Variants in PANK3 observed in about 807,000 individuals in gnomAD.
PANK3 encodes the protein pantothenate kinase 3, also known as hPanK3.
Under a neutral mutation model 39.4 loss-of-function variants are expected in PANK3, and 20 were observed. That is an observed-to-expected ratio of 0.51 (90% CI 0.36 to 0.74). The LOEUF (loss-of-function observed/expected upper bound fraction) is 0.74, where lower values mean the gene tolerates loss of function less well. Ranked by LOEUF, PANK3 falls within the 30% of genes least tolerant of loss-of-function variation. PANK3 has a pLI of 0.00. For synonymous variants in PANK3, 140 were observed against 157.3 expected (o/e 0.89, Z 0.82); for missense variants, 265 against 437.0 (o/e 0.61, Z 3.51).
chr5:168,575,885 C>T lies in PANK3; in HGVS notation c.28+3371G>A, dbSNP rs542385939. On this transcript the variant is annotated intron_variant, in intron 1 of 6. Coordinates refer to ENST00000239231, the MANE Select transcript of PANK3 (RefSeq NM_024594.4). ...CATAAAGGGAAACCAACATGAAAAA[C>T]GCTCGAAACATAGGGTATTTTAAAA... 1.3e-4 allele frequency among the ~76,000 whole-genome samples: 20 copies of T among 152,186 alleles called. 2 individuals are homozygous for T. The South Asian group carries it at 3.9e-3, about 30-fold the overall frequency.
At chr5:168,570,622 C>T (rs374451301) in intron 1 of PANK3, among the ~76,000 whole-genome samples, 4 of 152,060 alleles carry the variant, frequency 2.6e-5, no homozygotes, top group Admixed American at 6.5e-5. Context: ...AATACTAAAA[C>T]AACAAAAAAC....
At chr5:168,558,153 C>CT (rs767440372) in intron 6 of PANK3, among the ~76,000 whole-genome samples, 1,176 of 115,216 alleles carry the variant, frequency 0.01, 19 homozygotes, top group African/African-American at 0.025. Context: ...GACATGGAAG[C>CT]TTTTTTTTTT....
chr5:168,568,535 A>G, intron 2 of PANK3, 111 bp downstream of exon 2: 1 of 822,122 alleles, frequency 1.2e-6, no homozygotes, highest in Middle Eastern at 2.5e-4. Context: ...AACCATGGAT[A>G]CATATTTCCC....
rs549602835 is a variant in PANK3, at chr5:168,554,949, A to G, written c.*2622T>C. The G allele has an allele frequency of 6.6e-6, 1 of 152,342 alleles. No homozygotes were observed. Among genetic ancestry groups the G allele is most frequent in the African/African-American group, 2.4e-5 (1 of 41,576 alleles). 9.4% of individuals were successfully genotyped at this position (152,342 alleles called of 1,614,324 possible). On this transcript the variant is annotated 3_prime_UTR_variant, in exon 7 of 7. Coordinates refer to ENST00000239231, the MANE Select transcript of PANK3 (RefSeq NM_024594.4). ...TATTTTATCCTTTCAAACTGAAATT[A>G]CCTGCTAGAGTGAGCAACCATCTCA...
chr5:168,563,063 A>G (rs1268765981), intron 4 of PANK3, among the ~76,000 whole-genome samples: 1 of 152,186 alleles, frequency 6.6e-6, no homozygotes, highest in Non-Finnish European at 1.5e-5. Context: ...TGTAACTCAC[A>G]AAATACCCTA....
rs1173634335 is a variant in PANK3, at chr5:168,568,648, T to C, written c.379A>G (p.Thr127Ala). 1 of 1,597,980 alleles carries C rather than the reference T, an allele frequency of 6.3e-7. No homozygotes were observed. Among genetic ancestry groups the C allele is most frequent in the African/African-American group, 1.3e-5 (1 of 74,178 alleles). Residue 127 changes from threonine to alanine, a missense_variant and splice_region_variant, in exon 2 of 7, where the codon ACA (threonine) becomes GCA (alanine). Transcript: ENST00000239231. ...GAYKFEKDFRTIGNLHLHKLD... is the reference protein window; with the variant it reads ...GAYKFEKDFRAIGNLHLHKLD... ...AGTTTTGAGTAAAAGATACCTACTGTGCGAAAATCTTTTTCAAACTTGTAA... is the reference window on the plus strand; with the variant it reads ...AGTTTTGAGTAAAAGATACCTACTGCGCGAAAATCTTTTTCAAACTTGTAA...
chr5:168,568,798 C>T lies in PANK3; in HGVS notation c.229G>A (p.Gly77Ser). The part of the protein sequence containing the change: ...HLELKDLTLF[G>S]RRGNLHFIRF... ...ATAAAGTGCAAGTTCCCTCTTCGGCCAAAAAGTGTTAAATCTTTCAGTTCA... is the reference window on the plus strand; with the variant it reads ...ATAAAGTGCAAGTTCCCTCTTCGGCTAAAAAGTGTTAAATCTTTCAGTTCA... Residue 77 changes from glycine to serine, a missense_variant, in exon 2 of 7, where the codon GGC becomes AGC. Around this residue, in one of 3 missense-constraint regions of PANK3, gnomAD observed 154 missense variants for 256.8 expected, o/e 0.60. Transcript: ENST00000239231. The T allele has an allele frequency of 1.2e-6, 2 of 1,613,868 alleles. No individual in the cohort carries two copies. Among genetic ancestry groups the T allele is most frequent in the Non-Finnish European group, 1.7e-6 (2 of 1,179,972 alleles).
At chr5:168,565,887 T>A (rs7720884) in intron 3 of PANK3, 126 bp downstream of exon 3, 16,657 of 142,612 alleles carry the variant, frequency 0.12, 2,217 homozygotes, top group East Asian at 0.46. Context: ...ATATATATAT[T>A]TTTTTTTTTT....
chr5:168,571,032 C>A (rs566378140), intron 1 of PANK3, among the ~76,000 whole-genome samples: 1 of 152,048 alleles, frequency 6.6e-6, no homozygotes, highest in Non-Finnish European at 1.5e-5. Context: ...GAGTGAGATA[C>A]GGGATGCTAT....
Position 168,555,796 on chromosome 5 carries a change from T to C in PANK3, c.*1775A>G, listed in dbSNP as rs1289078439. Reference sequence around the variant, plus strand: ...ACTGTCGTTGAAAACTTTCTTGAGATAGTTTATTTTATACAAACAAACTGT... The same window carrying C: ...ACTGTCGTTGAAAACTTTCTTGAGACAGTTTATTTTATACAAACAAACTGT... On this transcript the variant is annotated 3_prime_UTR_variant, in exon 7 of 7. Coordinates refer to ENST00000239231, the MANE Select transcript of PANK3 (RefSeq NM_024594.4). 4 of 152,376 alleles carry C rather than the reference T, an allele frequency of 2.6e-5. No homozygotes were observed. Among genetic ancestry groups the C allele is most frequent in the Admixed American group, 6.5e-5 (1 of 15,312 alleles). 9.4% of individuals were successfully genotyped at this position (152,376 alleles called of 1,614,324 possible). A position where few individuals can be genotyped will look rare whatever the true frequency, so the allele number is the denominator to read the frequency against.
intron 1 of PANK3, among the ~76,000 whole-genome samples, chr5:168,570,633 C>A (rs966487726): frequency 1.3e-5 from 2 of 151,890 alleles, no homozygotes; most frequent in Admixed American, 1.3e-4. Flanking sequence ...AACAAAAAAC[C>A]CCATCCAAAG....
Position 168,554,324 on chromosome 5 carries a change from C to T in PANK3, c.*3247G>A, listed in dbSNP as rs142195835. ...AGCTTAAAAAATTGTTTACATTACACAAGGTAAGTATCACTATGGGTTTTT... is the reference window on the plus strand; with the variant it reads ...AGCTTAAAAAATTGTTTACATTACATAAGGTAAGTATCACTATGGGTTTTT... On this transcript the variant is annotated 3_prime_UTR_variant, in exon 7 of 7. Coordinates refer to ENST00000239231, the MANE Select transcript of PANK3 (RefSeq NM_024594.4). 6.6e-6 allele frequency: 1 copy of T among 152,284 alleles called. No individual in the cohort carries two copies. The highest frequency in any genetic ancestry group is 2.4e-5 in the African/African-American group (1 of 41,548). The allele number at this position is 152,284 out of a possible 1,614,324, so 9.4% of individuals were successfully genotyped here.
intron 6 of PANK3, 79 bp from the exon 7 acceptor site, chr5:168,557,700 C>T: frequency 9.2e-7 from 1 of 1,091,014 alleles, no homozygotes; most frequent in Non-Finnish European, 1.4e-6. Flanking sequence ...GAACACACAA[C>T]TATGCACAAT....
At chr5:168,572,138 G>T (rs1021721163) in intron 1 of PANK3, among the ~76,000 whole-genome samples, 1 of 136,692 alleles carries the variant, frequency 7.3e-6, no homozygotes, top group African/African-American at 2.7e-5. Flanking sequence ...TTTTGAGATG[G>T]AGTCTTGCTC....
rs568252380 is a variant in PANK3, at chr5:168,566,847, G to A, written c.382-581C>T. ...CAACCTCCACCTCGTGGGTTCAAGC[G>A]ATTCTCCGCCTCAGCCTCTCAAGTA... On this transcript the variant is annotated intron_variant, in intron 2 of 6. Coordinates refer to ENST00000239231, the MANE Select transcript of PANK3 (RefSeq NM_024594.4). Among the ~76,000 whole-genome samples the A allele has an allele frequency of 7.3e-4, 111 of 152,176 alleles. 1 individual carries two copies. Among genetic ancestry groups the A allele is most frequent in the African/African-American group, 2.6e-3 (107 of 41,514 alleles).
At chr5:168,573,436 A>AAAAAAAAAAAAAAAAAAAG (rs1759679565) in intron 1 of PANK3, among the ~76,000 whole-genome samples, 1 of 147,632 alleles carries the variant, frequency 6.8e-6, no homozygotes, top group Non-Finnish European at 1.5e-5. Context: ...AAAAAAAAAA[A>AAAAAAAAAAAAAAAAAAAG]AAAAAAAAAA....
chr5:168,557,770 A>C (rs1172761103), intron 6 of PANK3, 149 bp from the exon 7 acceptor site: 4 of 575,946 alleles, frequency 6.9e-6, no homozygotes, highest in African/African-American at 5.7e-5. Context: ...TATTATAAAA[A>C]ATTTTCTGAA....
chr5:168,558,238 C>T (rs1759384441), intron 6 of PANK3, among the ~76,000 whole-genome samples: 1 of 150,452 alleles, frequency 6.6e-6, no homozygotes, highest in East Asian at 2.0e-4. Context: ...CGACTCACTG[C>T]AGGCTCCGCC....
chr5:168,567,046 C>T (rs549893068), intron 2 of PANK3, among the ~76,000 whole-genome samples: 3 of 152,274 alleles, frequency 2.0e-5, no homozygotes, highest in African/African-American at 7.2e-5. Flanking sequence ...GCCCAACCCA[C>T]GTAGTTTTAA....
Sources: allele counts gnomAD v4.1 joint callset (sites outside exome capture counted in the v4.1 genomes callset), GRCh38; gene constraint gnomAD v4.1.1; regional missense constraint gnomAD v4.1.1; transcripts MANE v1.5; gene names NCBI Gene and HGNC (gene_info 2026-07-23, HGNC 2026-07-21).